Variants in SKA2 observed in about 807,000 individuals in gnomAD.
SKA2 encodes the protein spindle and kinetochore-associated protein 2.
Under a neutral mutation model 16.9 loss-of-function variants are expected in SKA2, and 13 were observed. That is an observed-to-expected ratio of 0.77 (90% CI 0.50 to 1.22). The LOEUF is 1.22. SKA2 is among the 50% of genes most tolerant of loss of function. The pLI, the probability that SKA2 is intolerant of heterozygous loss-of-function variation, is 0.00. For synonymous variants in SKA2, 47 were observed against 48.5 expected (o/e 0.97, Z 0.13); for missense variants, 107 against 139.7 (o/e 0.77, Z 1.18).
chr17:59,121,793 C>CAAA (rs758240217), intron 2 of SKA2, among the ~76,000 whole-genome samples: 25 of 81,146 alleles, frequency 3.1e-4, no homozygotes, highest in African/African-American at 9.4e-4. Context: ...TACGAAAATA[C>CAAA]AAAAAAAAAA....
At chr17:59,117,438 C>T (rs569595433) in intron 3 of SKA2, among the ~76,000 whole-genome samples, 1 of 152,122 alleles carries the variant, frequency 6.6e-6, no homozygotes, top group Admixed American at 6.5e-5. Context: ...ACCCTGTCAC[C>T]CAGGCTGGAA....
chr17:59,135,010 T>A (rs1002462457), intron 1 of SKA2, among the ~76,000 whole-genome samples: 2 of 152,080 alleles, frequency 1.3e-5, no homozygotes, highest in South Asian at 4.2e-4. Context: ...AATTTTTGTA[T>A]TTTTAGTAGA....
chr17:59,115,307 C>G (rs2046289208), intron 3 of SKA2, among the ~76,000 whole-genome samples: 1 of 152,098 alleles, frequency 6.6e-6, no homozygotes, highest in Non-Finnish European at 1.5e-5. Context: ...ATCCACCTGT[C>G]TCGGCCTCCC....
At chr17:59,127,678 C>T (rs2046381314) in intron 2 of SKA2, among the ~76,000 whole-genome samples, 1 of 152,112 alleles carries the variant, frequency 6.6e-6, no homozygotes. Flanking sequence ...TGAGCCACCA[C>T]ACCCAGCCCA....
At chr17:59,152,892 A>T (rs1018404753) in intron 1 of SKA2, among the ~76,000 whole-genome samples, 1 of 151,988 alleles carries the variant, frequency 6.6e-6, no homozygotes, top group Admixed American at 6.5e-5. Context: ...ATTTACTTGC[A>T]AGGATGTAAG....
At chr17:59,147,072 C>T (rs1033259498) in intron 1 of SKA2, among the ~76,000 whole-genome samples, 1 of 151,766 alleles carries the variant, frequency 6.6e-6, no homozygotes, top group African/African-American at 2.4e-5. Context: ...GCAGAAGAAT[C>T]GCTTGAACCT....
chr17:59,112,630 C>T (rs2046270645), intron 3 of SKA2, among the ~76,000 whole-genome samples: 1 of 152,120 alleles, frequency 6.6e-6, no homozygotes, highest in African/African-American at 2.4e-5. Context: ...TGTTTGGATG[C>T]CATATTCTAA....
At chr17:59,135,175 C>T (rs1248402879) in intron 1 of SKA2, among the ~76,000 whole-genome samples, 1 of 151,852 alleles carries the variant, frequency 6.6e-6, no homozygotes, top group South Asian at 2.1e-4. Context: ...TCCTGCAATA[C>T]CTAGGGGCCC....
intron 2 of SKA2, among the ~76,000 whole-genome samples, chr17:59,129,727 C>T (rs560583467): frequency 1.1e-4 from 17 of 151,846 alleles, no homozygotes; most frequent in East Asian, 1.9e-4. Context: ...TGGTAGCCTG[C>T]GCCTGTAATC....
chr17:59,119,180 C>T, intron 3 of SKA2, 139 bp downstream of exon 3: 1 of 834,876 alleles, frequency 1.2e-6, no homozygotes, highest in Non-Finnish European at 1.8e-6. Context: ...AGCTATTATA[C>T]TTCAGGGTAT....
chr17:59,149,630 CA>C (rs1434278338), intron 1 of SKA2, among the ~76,000 whole-genome samples: 1 of 152,088 alleles, frequency 6.6e-6, no homozygotes, highest in African/African-American at 2.4e-5. Context: ...TCATAATATG[CA>C]AAACGTGGAA....
chr17:59,140,794 TG>T (rs1330115993), intron 1 of SKA2, among the ~76,000 whole-genome samples: 23 of 145,842 alleles, frequency 1.6e-4, no homozygotes, highest in African/African-American at 4.3e-4. Flanking sequence ...TTTTTTTTTT[TG>T]GTATTCTTTA....
intron 2 of SKA2, chr17:59,129,358 T>TATACACACAC: frequency 7.3e-6 from 1 of 136,892 alleles, no homozygotes; most frequent in Admixed American, 7.5e-5. Context: ...TAAACACACA[T>TATACACACAC]ACACACACAC....
intron 1 of SKA2, among the ~76,000 whole-genome samples, chr17:59,142,512 A>G (rs1240763765): frequency 5.4e-5 from 8 of 149,474 alleles, no homozygotes; most frequent in Non-Finnish European, 1.2e-4. Flanking sequence ...CTGCTCTCGA[A>G]CTCTCGACCT....
Position 59,155,051 on chromosome 17 carries a change from C to T in SKA2, c.33+80G>A. The T allele has an allele frequency of 1.9e-6, 3 of 1,613,974 alleles. 1 individual carries two copies. Among genetic ancestry groups the T allele is most frequent in the Middle Eastern group, 1.6e-4 (1 of 6,062 alleles). On this transcript the variant is annotated intron_variant, in intron 1 of 3. Coordinates refer to ENST00000330137, the MANE Select transcript of SKA2 (RefSeq NM_182620.4). ...AGCCTCCGCCGCCCGGAGTTTCCGG[C>T]GACTCCAAATTGTGCCCCACCTCCG...
At chr17:59,143,949 A>G (rs2046512004) in intron 1 of SKA2, among the ~76,000 whole-genome samples, 1 of 152,086 alleles carries the variant, frequency 6.6e-6, no homozygotes, top group African/African-American at 2.4e-5. Context: ...TGATGTCAAG[A>G]GATTGAGACC....
At chr17:59,154,928 G>T (rs2046611091) in intron 1 of SKA2, 2 of 1,610,182 alleles carry the variant, frequency 1.2e-6, no homozygotes, top group East Asian at 2.2e-5. Context: ...CCATTTCCCT[G>T]ACGAGTTTCC....
intron 1 of SKA2, among the ~76,000 whole-genome samples, chr17:59,131,599 C>G (rs2046412262): frequency 6.6e-6 from 1 of 152,168 alleles, no homozygotes; most frequent in African/African-American, 2.4e-5. Context: ...CTATGCCTCT[C>G]TCTTACATTT....
At chr17:59,136,559 TTTTTG>T (rs1776665788) in intron 1 of SKA2, among the ~76,000 whole-genome samples, 1 of 151,934 alleles carries the variant, frequency 6.6e-6, no homozygotes, top group Non-Finnish European at 1.5e-5. Flanking sequence ...AGCTTTTTTT[TTTTTG>T]TTTGAGACGG....
Sources: allele counts gnomAD v4.1 joint callset (sites outside exome capture counted in the v4.1 genomes callset), GRCh38; gene constraint gnomAD v4.1.1; transcripts MANE v1.5; gene names NCBI Gene and HGNC (gene_info 2026-07-23, HGNC 2026-07-21).